LRRIQ1: variants seen among roughly 807,000 people sequenced by gnomAD.
LRRIQ1 encodes the protein leucine-rich repeat- and IQ domain-containing protein 1.
Under a neutral mutation model 211.9 loss-of-function variants are expected in LRRIQ1, and 210 were observed. The observed-to-expected ratio is 0.99, with a 90% CI of 0.89 to 1.11. The LOEUF (loss-of-function observed/expected upper bound fraction) is 1.11, where lower values mean the gene tolerates loss of function less well. Among genes scored for constraint, LRRIQ1 ranks in the 50% most tolerant of loss-of-function variants. The pLI is 0.00. For missense variants in LRRIQ1, 2,136 were observed against 1,939.5 expected (o/e 1.10, Z -1.90); for synonymous variants, 699 against 650.1 (o/e 1.08, Z -1.14).
intron 24 of LRRIQ1, 27 bp from the exon 25 acceptor site, chr12:85,229,490 A>G (rs1047578812): frequency 6.4e-7 from 1 of 1,562,746 alleles, no homozygotes; most frequent in African/African-American, 1.4e-5. Flanking sequence ...TTAAATAATA[A>G]GTACACGTTC....
At chr12:85,065,507 TTACTA>T in intron 9 of LRRIQ1, 93 bp downstream of exon 9, 1 of 1,024,858 alleles carries the variant, frequency 9.8e-7, no homozygotes, top group South Asian at 2.3e-5. Context: ...GAAGAAACAA[TTACTA>T]AACTAACCTG....
In LRRIQ1 at chr12:85,165,389, G is replaced by A. The variant is rs149639332; in HGVS notation, c.4822+4675G>A. Among the ~76,000 whole-genome samples the A allele has an allele frequency of 9.9e-3, 1,501 of 151,832 alleles. 19 individuals carry two copies. The highest frequency in any genetic ancestry group is 0.02 in the South Asian group (95 of 4,794). On this transcript the variant is annotated intron_variant, in intron 24 of 26. Coordinates refer to ENST00000393217, the MANE Select transcript of LRRIQ1 (RefSeq NM_001079910.2). ...CTCCCACTTATAAGTGAGAACATGC[G>A]GTATTTGGTTTTCTGTTCCTGCATT...
At chr12:85,073,180 C>T in intron 11 of LRRIQ1, 82 bp downstream of exon 11, 1 of 863,176 alleles carries the variant, frequency 1.2e-6, no homozygotes, top group Non-Finnish European at 1.7e-6. Context: ...TAGGCAGTCA[C>T]CATCATCTCC....
intron 24 of LRRIQ1, among the ~76,000 whole-genome samples, chr12:85,217,045 T>C (rs1006847391): frequency 3.3e-5 from 5 of 152,012 alleles, no homozygotes; most frequent in African/African-American, 1.2e-4. Flanking sequence ...AATTATTGCT[T>C]TGCATAATGC....
chr12:85,127,818 T>TC lies in LRRIQ1; in HGVS notation c.4008-13dup. 5 of 1,601,738 alleles carry TC rather than the reference T, an allele frequency of 3.1e-6. No individual in the cohort carries two copies. The highest frequency in any genetic ancestry group is 4.3e-6 in the Non-Finnish European group (5 of 1,175,832). ...AATAAAAAAAGTGTGTGTTTTTTTT[T>TC]CTCCTCTTAATAGTATGGCAGCTGT... is the stretch of plus-strand genomic sequence containing the variant. On this transcript the variant is annotated splice_polypyrimidine_tract_variant and intron_variant, in intron 17 of 26. Transcript: ENST00000393217.
Position 85,046,121 on chromosome 12 carries a change from T to C in LRRIQ1, c.438T>C (p.Asp146=). ...PEPSPHDLPM[D]EHVLPDDADI... is the part of the protein sequence containing the mutation. ...CTAGTCCTCATGACTTGCCTATGGA[T>C]GAACATGTTTTACCAGGTGGACTAA... Residue 146 remains aspartate, a synonymous_variant, in exon 5 of 27, where the codon GAT becomes GAC. Coordinates refer to ENST00000393217, the MANE Select transcript of LRRIQ1 (RefSeq NM_001079910.2). 1.3e-6 allele frequency: 2 copies of C among 1,598,632 alleles called. No homozygotes were observed. Among genetic ancestry groups the C allele is most frequent in the Middle Eastern group, 1.7e-4 (1 of 6,018 alleles).
Position 85,056,495 on chromosome 12 carries a change from A to G in LRRIQ1, c.1702A>G (p.Thr568Ala), listed in dbSNP as rs1315683272. The change falls in exon 8 of 27, where the codon ACC becomes GCC. Residue 568 changes from threonine (T) to alanine (A), a missense_variant. Coordinates refer to ENST00000393217, the MANE Select transcript of LRRIQ1 (RefSeq NM_001079910.2). ...TAACCAAGAAATCAGTGAGGTGAAA[A>G]CCAATGAAGAGCAGAAAATAATCAA... The part of the protein sequence containing the change: ...GHNQEISEVK[T>A]NEEQKIIKDN... 1.2e-6 allele frequency: 2 copies of G among 1,612,096 alleles called. No individual in the cohort carries two copies. The highest frequency in any genetic ancestry group is 2.7e-5 in the African/African-American group (2 of 74,934).
intron 16 of LRRIQ1, among the ~76,000 whole-genome samples, chr12:85,122,337 C>A (rs919247377): frequency 1.3e-5 from 2 of 151,976 alleles, no homozygotes; most frequent in African/African-American, 4.8e-5. Flanking sequence ...ATCAAGGTAT[C>A]ATGGGAGCAC....
intron 26 of LRRIQ1, among the ~76,000 whole-genome samples, chr12:85,244,398 T>C (rs889732749): frequency 2.0e-5 from 3 of 151,598 alleles, no homozygotes; most frequent in African/African-American, 7.2e-5. Context: ...AGTGGCAACA[T>C]ATAATTTTTG....
At chr12:85,102,949 A>ATATAT (rs1565834028) in intron 13 of LRRIQ1, among the ~76,000 whole-genome samples, 1 of 106,248 alleles carries the variant, frequency 9.4e-6, no homozygotes, top group African/African-American at 4.1e-5. Flanking sequence ...TGTGGCAAAA[A>ATATAT]AAAAAAAAAA....
chr12:85,213,785 A>G (rs573629132), intron 24 of LRRIQ1, among the ~76,000 whole-genome samples: 1 of 152,156 alleles, frequency 6.6e-6, no homozygotes, highest in African/African-American at 2.4e-5. Flanking sequence ...AAAACACCAC[A>G]TATTGTAGAC....
chr12:85,124,964 G>A (rs1415953014), intron 17 of LRRIQ1: 1 of 180,418 alleles, frequency 5.5e-6, no homozygotes, highest in African/African-American at 2.4e-5. Flanking sequence ...GGATCACGAG[G>A]TCAGGAGATC....
At chr12:85,050,566 C>A (rs1880183582) in intron 6 of LRRIQ1, among the ~76,000 whole-genome samples, 1 of 152,044 alleles carries the variant, frequency 6.6e-6, no homozygotes, top group Non-Finnish European at 1.5e-5. Flanking sequence ...TTTATTCTTC[C>A]TTCTTTTTTA....
intron 19 of LRRIQ1, among the ~76,000 whole-genome samples, chr12:85,146,227 G>C (rs550574658): frequency 6.6e-6 from 1 of 151,706 alleles, no homozygotes; most frequent in East Asian, 1.9e-4. Context: ...ATGCTTTCTA[G>C]GGCTATAGTG....
At chr12:85,194,952 G>T (rs1248519896) in intron 24 of LRRIQ1, among the ~76,000 whole-genome samples, 1 of 152,010 alleles carries the variant, frequency 6.6e-6, no homozygotes, top group Admixed American at 6.6e-5. Context: ...AAAACAGAGA[G>T]AAGAATCAAA....
At chr12:85,220,678 T>A (rs1268368835) in intron 24 of LRRIQ1, among the ~76,000 whole-genome samples, 1 of 151,324 alleles carries the variant, frequency 6.6e-6, no homozygotes, top group Non-Finnish European at 1.5e-5. Context: ...AGTTTTAGGG[T>A]ACATGTGCAC....
chr12:85,246,960 G>A (rs953508625), downstream of LRRIQ1, among the ~76,000 whole-genome samples: 2 of 151,362 alleles, frequency 1.3e-5, no homozygotes, highest in African/African-American at 4.8e-5. Context: ...GATAATAGAA[G>A]CACCTCTTTG....
intron 24 of LRRIQ1, among the ~76,000 whole-genome samples, chr12:85,177,174 A>T (rs1328738421): frequency 1.3e-5 from 2 of 152,152 alleles, no homozygotes; most frequent in Non-Finnish European, 2.9e-5. Flanking sequence ...GTTAACTAAG[A>T]TTTAATTCCT....
chr12:85,071,433 C>G lies in LRRIQ1; in HGVS notation c.2696-1474C>G, dbSNP rs145769910. On this transcript the variant is annotated intron_variant, in intron 10 of 26. Coordinates refer to ENST00000393217, the MANE Select transcript of LRRIQ1 (RefSeq NM_001079910.2). ...ATGAGCAGAGTTTTCCTATTTTTGC[C>G]TTGCTGATGGATATTGAATGGTTTC... Among the ~76,000 whole-genome samples the G allele has an allele frequency of 5.3e-5, 8 of 151,888 alleles. No individual in the cohort carries two copies. In the East Asian group the frequency reaches 1.4e-3, roughly 26 times the overall value.
Sources: allele counts gnomAD v4.1 joint callset (sites outside exome capture counted in the v4.1 genomes callset), GRCh38; gene constraint gnomAD v4.1.1; transcripts MANE v1.5; gene names NCBI Gene and HGNC (gene_info 2026-07-23, HGNC 2026-07-21).